Variants in EYS observed in about 807,000 individuals in gnomAD.
The protein encoded by EYS is EGF-like photoreceptor maintenance factor, also known as protein eyes shut homolog.
In EYS, 250 loss-of-function variants were observed where a neutral mutation model predicts 282.1. The ratio of observed to expected loss-of-function variants is 0.89; its 90% confidence interval spans 0.80 to 0.98. The LOEUF (loss-of-function observed/expected upper bound fraction) is 0.98. Among genes scored for constraint, EYS ranks in the 50% least tolerant of loss-of-function variants. EYS has a pLI of 0.00. For synonymous variants in EYS, 1,355 were observed against 1,282.9 expected, an observed-to-expected ratio of 1.06 and a Z score of -1.20; for missense variants, 4,016 against 3,709.0, an observed-to-expected ratio of 1.08 and a Z score of -2.15.
chr6:63,873,716 T>C (rs536922624), intron 35 of EYS, among the ~76,000 whole-genome samples: 5 of 152,232 alleles, frequency 3.3e-5, no homozygotes, highest in Non-Finnish European at 1.5e-5. Flanking sequence ...TGAGATGGTA[T>C]CTCATGGTGG....
chr6:65,011,174 T>C (rs1011195027), intron 13 of EYS, among the ~76,000 whole-genome samples: 16 of 152,146 alleles, frequency 1.1e-4, no homozygotes, highest in African/African-American at 3.9e-4. Context: ...AGCTAACCAA[T>C]GGAAATTACT....
intron 13 of EYS, among the ~76,000 whole-genome samples, chr6:65,029,086 G>A (rs1008954242): frequency 1.3e-5 from 2 of 152,068 alleles, no homozygotes; most frequent in South Asian, 4.1e-4. Flanking sequence ...TGTCCCCTGT[G>A]TCCTTTTGAT....
chr6:65,620,489 G>C lies in EYS; in HGVS notation c.-333+19289C>G, dbSNP rs369082891. 1.6e-3 allele frequency among the ~76,000 whole-genome samples: 243 copies of C among 151,182 alleles called. 1 individual carries two copies. The highest frequency in any genetic ancestry group is 3.4e-3 in the Middle Eastern group (1 of 294). On this transcript the variant is annotated intron_variant, in intron 2 of 42. Transcript: ENST00000503581. The stretch of plus-strand genomic sequence containing the variant: ...TAGCAGTCTCTCAATTTTGTTGATC[G>C]TTTCAAAAAACCAGCTCCTGGATTC...
At chr6:64,131,571 T>C (rs771942040) in intron 31 of EYS, among the ~76,000 whole-genome samples, 8 of 152,064 alleles carry the variant, frequency 5.3e-5, no homozygotes, top group Non-Finnish European at 8.8e-5. Context: ...TGTGTGTGTG[T>C]GTTTATAAAA....
chr6:64,904,074 C>T (rs1325458111), intron 16 of EYS, among the ~76,000 whole-genome samples: 1 of 151,442 alleles, frequency 6.6e-6, no homozygotes, highest in Non-Finnish European at 1.5e-5. Context: ...GACTAAATAA[C>T]AGAAGAAACT....
chr6:65,590,506 C>T (rs1562275480), intron 2 of EYS, among the ~76,000 whole-genome samples: 1 of 151,962 alleles, frequency 6.6e-6, no homozygotes, highest in Middle Eastern at 3.4e-3. Context: ...TCTTTTCTAC[C>T]TATTTAAAAA....
chr6:63,790,034 G>A (rs187855085), intron 37 of EYS, among the ~76,000 whole-genome samples: 88 of 152,274 alleles, frequency 5.8e-4, no homozygotes, highest in African/African-American at 2.0e-3. Context: ...GTTAGTGGGT[G>A]GGGCAAAAGA....
At chr6:64,006,901 T>C (rs1768375037) in intron 33 of EYS, among the ~76,000 whole-genome samples, 1 of 152,164 alleles carries the variant, frequency 6.6e-6, no homozygotes, top group African/African-American at 2.4e-5. Flanking sequence ...TTGCCCATAT[T>C]TTGCTGAGAA....
chr6:63,834,187 A>T (rs1162196167), intron 36 of EYS, among the ~76,000 whole-genome samples: 7 of 152,192 alleles, frequency 4.6e-5, no homozygotes, highest in Non-Finnish European at 8.8e-5. Context: ...AAGCAATGGC[A>T]ACAGAAGCAA....
At chr6:64,592,718 A>G (rs918560220) in intron 25 of EYS, among the ~76,000 whole-genome samples, 1 of 152,146 alleles carries the variant, frequency 6.6e-6, no homozygotes, top group Admixed American at 6.6e-5. Context: ...AAATAAGCAC[A>G]TATCTTTTAT....
chr6:65,344,299 A>T lies in EYS; in HGVS notation c.1460-122T>A, dbSNP rs112969545. ...AATTTGACAACATCTGCCACAAAAT[A>T]AGTTCCTGTATGCATATGATATTGA... On this transcript the variant is annotated intron_variant, in intron 9 of 42. Transcript: ENST00000503581. The T allele has an allele frequency of 7.8e-4, 631 of 810,164 alleles. 5 individuals are homozygous for T. In the African/African-American group the frequency reaches 8.4e-3, roughly 11 times the overall value. 50.2% of individuals were successfully genotyped at this position (810,164 alleles called of 1,614,324 possible).
At chr6:64,743,911 A>G (rs1163074364) in intron 22 of EYS, among the ~76,000 whole-genome samples, 1 of 152,154 alleles carries the variant, frequency 6.6e-6, no homozygotes, top group Admixed American at 6.5e-5. Context: ...ATCAAACTTT[A>G]GTGATTGTTA....
At chr6:64,215,628 T>A (rs1765907209) in intron 31 of EYS, among the ~76,000 whole-genome samples, 1 of 152,146 alleles carries the variant, frequency 6.6e-6, no homozygotes, top group South Asian at 2.1e-4. Flanking sequence ...AATAGCTAAA[T>A]GATTACTTAC....
intron 12 of EYS, among the ~76,000 whole-genome samples, chr6:65,152,792 A>G (rs1764642914): frequency 6.6e-6 from 1 of 151,706 alleles, no homozygotes; most frequent in African/African-American, 2.4e-5. Context: ...AGATAAAACA[A>G]TGTAAAATAA....
intron 35 of EYS, among the ~76,000 whole-genome samples, chr6:63,942,824 A>G (rs1032849983): frequency 1.2e-4 from 18 of 152,046 alleles, no homozygotes; most frequent in African/African-American, 2.2e-4. Context: ...CGCCTCTGCT[A>G]TCCCTGAGAC....
intron 7 of EYS, among the ~76,000 whole-genome samples, chr6:65,398,268 T>C (rs1382463428): frequency 6.6e-6 from 1 of 151,978 alleles, no homozygotes; most frequent in East Asian, 1.9e-4. Context: ...AACAGCATGG[T>C]ATTGATATAT....
intron 41 of EYS, among the ~76,000 whole-genome samples, chr6:63,759,604 A>C (rs1158529741): frequency 6.6e-6 from 1 of 152,128 alleles, no homozygotes; most frequent in Non-Finnish European, 1.5e-5. Context: ...ATAGAGATAG[A>C]GAATCTAATA....
At chr6:64,849,149 A>C (rs1175306171) in intron 19 of EYS, among the ~76,000 whole-genome samples, 1 of 152,014 alleles carries the variant, frequency 6.6e-6, no homozygotes, top group South Asian at 2.1e-4. Context: ...GTCACAATAC[A>C]TTTAAAAACA....
chr6:64,352,537 G>C (rs1771678596), intron 29 of EYS, among the ~76,000 whole-genome samples: 1 of 151,478 alleles, frequency 6.6e-6, no homozygotes, highest in African/African-American at 2.4e-5. Flanking sequence ...AGTCACCAAT[G>C]TTTTTATCAC....
Sources: allele counts gnomAD v4.1 joint callset (sites outside exome capture counted in the v4.1 genomes callset), GRCh38; gene constraint gnomAD v4.1.1; transcripts MANE v1.5; gene names NCBI Gene and HGNC (gene_info 2026-07-23, HGNC 2026-07-21).